The following CYP24A1 variants were observed in gnomAD, a reference collection of about 807,000 sequenced individuals.
CYP24A1 encodes the protein 1,25-dihydroxyvitamin D(3) 24-hydroxylase, mitochondrial.
CYP24A1 carries 68 observed loss-of-function variants against 62.4 expected under a neutral mutation model. The observed-to-expected ratio is 1.09, with a 90% CI of 0.90 to 1.33. CYP24A1 has a LOEUF of 1.33. Ranked by LOEUF, CYP24A1 falls within the 40% of genes most tolerant of loss-of-function variation. CYP24A1 has a pLI of 0.00. For synonymous variants in CYP24A1, 267 were observed against 253.0 expected, an observed-to-expected ratio of 1.06 and a Z score of -0.52; for missense variants, 787 against 653.0, an observed-to-expected ratio of 1.21 and a Z score of -2.24.
At chr20:54,170,489 C>A (rs2092690249) in intron 3 of CYP24A1, among the ~76,000 whole-genome samples, 1 of 152,038 alleles carries the variant, frequency 6.6e-6, no homozygotes, top group African/African-American at 2.4e-5. Context: ...CCATACAGCC[C>A]ACATGTGTGG....
intron 4 of CYP24A1, among the ~76,000 whole-genome samples, chr20:54,167,664 T>C (rs1169454097): frequency 6.6e-6 from 1 of 151,962 alleles, no homozygotes; most frequent in Admixed American, 6.5e-5. Flanking sequence ...TCCCAGCTGC[T>C]CAGGATGCTG....
rs1178689779 is a variant in CYP24A1 at position 54,173,008 on chromosome 20, G to T, written c.350C>A (p.Ala117Glu). The change falls in exon 2 of 12, where the codon GCG becomes GAG. Residue 117 changes from alanine (A) to glutamate (E), a missense_variant. By Grantham distance (107) the Ala-to-Glu change is moderately radical (BLOSUM62 -1). Coordinates refer to ENST00000216862, the MANE Select transcript of CYP24A1 (RefSeq NM_000782.5). The surrounding 1 kb of genome is among the most constrained non-coding windows in gnomAD (Gnocchi z 7.2). ...VHLGSPCLLE[A>E]LYRTESAYPQ... ...GTACGCGCTCTCGGTGCGGTACAGC[G>T]CTTCCAGCAGGCATGGCGAGCCCAG... The T allele has an allele frequency of 6.2e-7, 1 of 1,611,642 alleles. No homozygotes were observed.
At chr20:54,148,870 G>T (rs2146447925), downstream of CYP24A1, among the ~76,000 whole-genome samples, 3 of 152,256 alleles carry the variant, frequency 2.0e-5, no homozygotes, top group South Asian at 6.2e-4. Context: ...ACTTTGGGAG[G>T]CCGATGTGGG....
chr20:54,173,151 C>G lies in CYP24A1; in HGVS notation c.259-52G>C, dbSNP rs775622133. 1 of 1,589,810 alleles carries G rather than the reference C, an allele frequency of 6.3e-7. No homozygotes were observed. The highest frequency in any genetic ancestry group is 8.5e-7 in the Non-Finnish European group (1 of 1,169,622). ...GTCAGCGCGCATCCTCCGCCGTGCC[C>G]GAAGCGCTTTCCCTCCTCCCGCCTC... On this transcript the variant is annotated intron_variant, in intron 1 of 11. Transcript: ENST00000216862. This position sits in a 1 kb window ranked among gnomAD's most constrained non-coding sequence, Gnocchi z 7.2.
At chr20:54,167,914 TCA>T (rs1404087409) in intron 4 of CYP24A1, among the ~76,000 whole-genome samples, 2 of 152,194 alleles carry the variant, frequency 1.3e-5, no homozygotes, top group African/African-American at 2.4e-5. Flanking sequence ...TGCCCATATA[TCA>T]CACTGCTGCT....
chr20:54,157,414 GCT>G lies in CYP24A1; in HGVS notation c.1406_1407del (p.Glu469AlafsTer22). 2 of 1,599,736 alleles carry G rather than the reference GCT, an allele frequency of 1.3e-6. No individual in the cohort carries two copies. Among genetic ancestry groups the G allele is most frequent in the Non-Finnish European group, 1.7e-6 (2 of 1,166,806 alleles). On this transcript the variant is annotated frameshift_variant, in exon 10 of 12. Transcript: ENST00000216862. LOFTEE classifies it high-confidence loss of function. ...KRMCIGRRLA[E>X]LQLHLALCWI... Reference sequence around the variant, plus strand: ...CAACAAAGAGCCAAATGCAGTTGAAGCTCTGCTAATCGGCGACCAATGCACAT... The same window carrying G: ...CAACAAAGAGCCAAATGCAGTTGAAGCTGCTAATCGGCGACCAATGCACAT...
chr20:54,163,805 T>A (rs549922951), intron 6 of CYP24A1, among the ~76,000 whole-genome samples: 1 of 141,650 alleles, frequency 7.1e-6, no homozygotes, highest in East Asian at 1.9e-4. Flanking sequence ...GGTTCTCTTA[T>A]TATTATTATT....
chr20:54,169,973 A>ATT (rs10627679), intron 3 of CYP24A1, among the ~76,000 whole-genome samples: 58,672 of 150,918 alleles, frequency 0.39, 11,400 homozygotes, highest in Non-Finnish European at 0.4. Context: ...AAAGGAAAAC[A>ATT]TTTTTTTTTT....
chr20:54,168,033 G>T (rs375638411), intron 4 of CYP24A1, among the ~76,000 whole-genome samples: 2 of 152,268 alleles, frequency 1.3e-5, no homozygotes, highest in African/African-American at 2.4e-5. Flanking sequence ...TCTGTTACAG[G>T]ATATGCTTGT....
At chr20:54,164,420 G>A in intron 6 of CYP24A1, 32 bp downstream of exon 6, 1 of 1,613,916 alleles carries the variant, frequency 6.2e-7, no homozygotes, top group Non-Finnish European at 8.5e-7. Flanking sequence ...TGCTGGGCTG[G>A]TTCTGGCTGG....
At position 54,173,622 on chromosome 20, in the gene CYP24A1, G is replaced by T; in HGVS notation, c.-43C>A. 3 of 1,479,490 alleles carry T rather than the reference G, an allele frequency of 2.0e-6. No individual in the cohort carries two copies. Among genetic ancestry groups the T allele is most frequent in the Non-Finnish European group, 2.7e-6 (3 of 1,091,180 alleles). 91.6% of individuals were successfully genotyped at this position (1,479,490 alleles called of 1,614,324 possible). On this transcript the variant is annotated 5_prime_UTR_variant, in exon 1 of 12. Transcript: ENST00000216862. The surrounding 1 kb of genome is among the most constrained non-coding windows in gnomAD (Gnocchi z 7.2). Reference sequence around the variant, plus strand: ...GAGCGCGGGAAGGCAGGAGGATGGGGTGGGGCGAGGTTGGTACGAGGTGCT... The same window carrying T: ...GAGCGCGGGAAGGCAGGAGGATGGGTTGGGGCGAGGTTGGTACGAGGTGCT...
rs1321493734 is a variant in CYP24A1 at position 54,173,359 on chromosome 20, A to G, written c.221T>C (p.Leu74Pro). Residue 74 changes from leucine (L) to proline (P), a missense_variant, in exon 1 of 12, where the codon CTC becomes CCC. Transcript: ENST00000216862. The surrounding 1 kb of genome is among the most constrained non-coding windows in gnomAD (Gnocchi z 7.2). ...WPLLGSLLQI[L>P]WKGGLKKQHD... ...CTGTTTCTTGAGACCCCCTTTCCAG[A>G]GAATCTGCAGCAGGCTGCCCAGCAG... The G allele has an allele frequency of 1.2e-6, 2 of 1,605,442 alleles. No individual in the cohort carries two copies. Among genetic ancestry groups the G allele is most frequent in the Non-Finnish European group, 1.7e-6 (2 of 1,175,446 alleles).
At chr20:54,159,795 G>A (rs1348750225) in intron 7 of CYP24A1, among the ~76,000 whole-genome samples, 2 of 152,178 alleles carry the variant, frequency 1.3e-5, no homozygotes, top group Non-Finnish European at 2.9e-5. Context: ...TTCAGATTGT[G>A]ACAACGTTTT....
At chr20:54,143,917 G>A in the CYP24A1 span, among the ~76,000 whole-genome samples, 28,922 of 152,048 alleles carry the variant, frequency 0.19, 3,180 homozygotes, top group East Asian at 0.3. Context: ...TAGCAACTAT[G>A]TGCCAATAGG....
chr20:54,164,136 G>A (rs535312342), intron 6 of CYP24A1, among the ~76,000 whole-genome samples: 3 of 152,220 alleles, frequency 2.0e-5, no homozygotes, highest in Non-Finnish European at 2.9e-5. Flanking sequence ...GGGTTTCACC[G>A]TGTTGACCGG....
the CYP24A1 span, among the ~76,000 whole-genome samples, chr20:54,144,196 A>G: frequency 6.7e-6 from 1 of 149,994 alleles, no homozygotes; most frequent in East Asian, 2.0e-4. Context: ...ACTATCTTAA[A>G]ATTCTTTTTC....
chr20:54,160,195 T>C (rs1423142845), intron 7 of CYP24A1, among the ~76,000 whole-genome samples: 2 of 152,184 alleles, frequency 1.3e-5, no homozygotes, highest in Non-Finnish European at 2.9e-5. Flanking sequence ...AATTCAAACA[T>C]TGAGCTGAGT....
chr20:54,158,270 C>T, intron 8 of CYP24A1, 106 bp from the exon 9 acceptor site: 1 of 1,559,258 alleles, frequency 6.4e-7, no homozygotes, highest in Non-Finnish European at 8.7e-7. Context: ...CAAGTGCATA[C>T]TCAAAGAGGC....
chr20:54,149,789 T>C (rs1443657709), downstream of CYP24A1, among the ~76,000 whole-genome samples: 1 of 152,196 alleles, frequency 6.6e-6, no homozygotes. Context: ...CCTCACTCAA[T>C]GAGAACAGCA....
Sources: gnomAD v4.1 joint callset for allele counts (sites outside exome capture counted in the v4.1 genomes callset) on GRCh38, gnomAD v4.1.1 for gene constraint, Gnocchi (gnomAD v3.1) non-coding constraint, MANE v1.5 for transcripts, NCBI Gene and HGNC (gene_info 2026-07-23, HGNC 2026-07-21) for gene names.